Variants in KCND2 observed in about 807,000 individuals in gnomAD.
The protein encoded by KCND2 is A-type voltage-gated potassium channel KCND2.
A neutral mutation model predicts 54.4 loss-of-function variants in KCND2; 16 were observed. The ratio of observed to expected loss-of-function variants is 0.29; its 90% CI spans 0.20 to 0.45. The LOEUF (loss-of-function observed/expected upper bound fraction) is 0.45, where lower values mean the gene tolerates loss of function less well. Ranked by LOEUF, KCND2 falls within the 20% of genes least tolerant of loss-of-function variation. The pLI is 1.00. For missense variants in KCND2, 486 were observed against 824.2 expected (o/e 0.59, Z 5.02); for synonymous variants, 317 against 310.7 (o/e 1.02, Z -0.21).
chr7:120,444,913 C>G (rs185379806), intron 1 of KCND2, among the ~76,000 whole-genome samples: 2 of 152,020 alleles, frequency 1.3e-5, no homozygotes, highest in Non-Finnish European at 2.9e-5. Flanking sequence ...AGTGGAAGCA[C>G]GACCTCAACT....
At chr7:120,561,104 G>C (rs1792227224) in intron 1 of KCND2, among the ~76,000 whole-genome samples, 1 of 152,170 alleles carries the variant, frequency 6.6e-6, no homozygotes, top group Admixed American at 6.5e-5. Context: ...TATAGAAACA[G>C]TCTAGTAATT....
intron 1 of KCND2, among the ~76,000 whole-genome samples, chr7:120,728,607 C>G (rs1248974796): frequency 6.6e-6 from 1 of 151,892 alleles, no homozygotes; most frequent in Non-Finnish European, 1.5e-5. Flanking sequence ...TATGTTTTTG[C>G]GAATTCATTC....
chr7:120,326,213 G>A (rs1363865759), intron 1 of KCND2, among the ~76,000 whole-genome samples: 1 of 152,022 alleles, frequency 6.6e-6, no homozygotes, highest in Non-Finnish European at 1.5e-5. Flanking sequence ...CTATGCAGAT[G>A]TTGCCTACTC....
intron 1 of KCND2, among the ~76,000 whole-genome samples, chr7:120,639,661 C>T (rs78244142): frequency 0.011 from 1,701 of 152,230 alleles, 10 homozygotes; most frequent in Non-Finnish European, 0.015. Flanking sequence ...AACCTTTATG[C>T]TAATATTGAG....
chr7:120,357,934 AT>A (rs1208962220), intron 1 of KCND2, among the ~76,000 whole-genome samples: 8 of 152,150 alleles, frequency 5.3e-5, no homozygotes, highest in African/African-American at 1.9e-4. Context: ...TTGCAGCTTC[AT>A]CATATGAAGT....
At chr7:120,692,711 C>T (rs1254052206) in intron 1 of KCND2, among the ~76,000 whole-genome samples, 4 of 152,178 alleles carry the variant, frequency 2.6e-5, no homozygotes, top group African/African-American at 4.8e-5. Flanking sequence ...GCAGCAAGTA[C>T]GCTCACCTCG....
intron 1 of KCND2, among the ~76,000 whole-genome samples, chr7:120,500,212 A>G (rs1475719356): frequency 6.6e-6 from 1 of 152,182 alleles, no homozygotes; most frequent in African/African-American, 2.4e-5. Flanking sequence ...GACTAAGAGC[A>G]TAGTCCAGAA....
chr7:120,396,218 A>G (rs572188899), intron 1 of KCND2, among the ~76,000 whole-genome samples: 3 of 152,154 alleles, frequency 2.0e-5, no homozygotes, highest in South Asian at 4.1e-4. Context: ...TGACCTAAAC[A>G]TATATCCTGT....
At chr7:120,509,224 C>CA (rs988883082) in intron 1 of KCND2, among the ~76,000 whole-genome samples, 9 of 150,690 alleles carry the variant, frequency 6.0e-5, no homozygotes, top group African/African-American at 1.2e-4. Flanking sequence ...GATCCTGGAA[C>CA]AAAAAAAATA....
At chr7:120,616,481 C>G (rs549585343) in intron 1 of KCND2, among the ~76,000 whole-genome samples, 1 of 152,238 alleles carries the variant, frequency 6.6e-6, no homozygotes, top group East Asian at 1.9e-4. Context: ...ATCATCTCCT[C>G]AAATCATTTC....
chr7:120,526,259 G>C (rs979194834), intron 1 of KCND2, among the ~76,000 whole-genome samples: 1 of 152,156 alleles, frequency 6.6e-6, no homozygotes, highest in Non-Finnish European at 1.5e-5. Context: ...TAGAAAAACA[G>C]CAGAGTGTAG....
chr7:120,575,334 A>G (rs995967976), intron 1 of KCND2, among the ~76,000 whole-genome samples: 2 of 152,184 alleles, frequency 1.3e-5, no homozygotes, highest in African/African-American at 4.8e-5. Flanking sequence ...CCAAAAACTG[A>G]ATAACTTGTC....
chr7:120,533,220 T>C (rs1791863552), intron 1 of KCND2, among the ~76,000 whole-genome samples: 2 of 152,148 alleles, frequency 1.3e-5, no homozygotes, highest in South Asian at 4.1e-4. Flanking sequence ...TTGACCTCTC[T>C]GTTATGTGAA....
intron 1 of KCND2, among the ~76,000 whole-genome samples, chr7:120,500,342 A>G (rs1306037380): frequency 1.3e-5 from 2 of 152,166 alleles, no homozygotes; most frequent in East Asian, 1.9e-4. Flanking sequence ...GTAAATGTTC[A>G]TGTCCCTTAG....
At position 120,731,757 on chromosome 7, in the gene KCND2, A is replaced by G. The variant is rs79669893; in HGVS notation, c.1116-1146A>G. Among the ~76,000 whole-genome samples the G allele has an allele frequency of 7.2e-3, 1,103 of 152,338 alleles. 12 individuals carry two copies. The highest frequency in any genetic ancestry group is 0.025 in the African/African-American group (1,034 of 41,582). Reference sequence around the variant, plus strand: ...ACCACGGTTTGGTTTATTGTCATAAAGAGACTTGAATGGGATACAATTTGG... The same window carrying G: ...ACCACGGTTTGGTTTATTGTCATAAGGAGACTTGAATGGGATACAATTTGG... On this transcript the variant is annotated intron_variant, in intron 1 of 5. Transcript: ENST00000331113.
At chr7:120,653,688 A>G (rs73219469) in intron 1 of KCND2, among the ~76,000 whole-genome samples, 2,352 of 152,344 alleles carry the variant, frequency 0.015, 28 homozygotes, top group Admixed American at 0.032. Context: ...GATGTTGTTC[A>G]GCATCCATTT....
chr7:120,519,392 C>A (rs1803248703), intron 1 of KCND2, among the ~76,000 whole-genome samples: 1 of 152,004 alleles, frequency 6.6e-6, no homozygotes, highest in African/African-American at 2.4e-5. Context: ...AGCTGAAGAG[C>A]AGCTGCCGGT....
intron 1 of KCND2, among the ~76,000 whole-genome samples, chr7:120,406,440 G>A (rs1431137997): frequency 1.3e-5 from 2 of 151,982 alleles, no homozygotes; most frequent in African/African-American, 2.4e-5. Flanking sequence ...GGCTTTTAGG[G>A]TGTGCTTCCA....
intron 1 of KCND2, among the ~76,000 whole-genome samples, chr7:120,341,606 A>G (rs1434708306): frequency 6.6e-6 from 1 of 152,134 alleles, no homozygotes; most frequent in Non-Finnish European, 1.5e-5. Context: ...TTATAGAAGT[A>G]TGGACACTAC....
Sources: gnomAD v4.1 joint callset for allele counts (sites outside exome capture counted in the v4.1 genomes callset) on GRCh38, gnomAD v4.1.1 for gene constraint, MANE v1.5 for transcripts, NCBI Gene and HGNC (gene_info 2026-07-23, HGNC 2026-07-21) for gene names.